The following TRIO variants were observed in gnomAD, a reference collection of about 807,000 sequenced individuals.
TRIO encodes triple functional domain protein.
TRIO carries 58 observed loss-of-function variants against 351.9 expected under a neutral mutation model. The ratio of observed to expected loss-of-function variants is 0.16; its 90% CI spans 0.13 to 0.21. TRIO has a LOEUF of 0.21. Ranked by LOEUF, TRIO falls within the 10% of genes least tolerant of loss-of-function variation. The probability of loss-of-function intolerance (pLI) is 1.00; values close to 1 mark genes in which losing one functional copy is unlikely to be tolerated. For missense variants in TRIO, 3,201 were observed against 4,027.8 expected (o/e 0.79, Z 5.56); for synonymous variants, 1,758 against 1,595.7 (o/e 1.10, Z -2.42).
chr5:14,507,319 G>T, intron 56 of TRIO, 59 bp downstream of exon 56: 1 of 1,593,364 alleles, frequency 6.3e-7, no homozygotes, highest in Non-Finnish European at 8.5e-7. Context: ...GGCCATGCGG[G>T]ACACAGAGCC....
chr5:14,443,629 GC>G (rs1364398569), intron 34 of TRIO, among the ~76,000 whole-genome samples: 1 of 152,180 alleles, frequency 6.6e-6, no homozygotes, highest in East Asian at 1.9e-4. Context: ...TTGGGAAAAG[GC>G]AGTTTTCCTG....
At chr5:14,243,529 G>T (rs997989895) in intron 1 of TRIO, among the ~76,000 whole-genome samples, 1 of 151,740 alleles carries the variant, frequency 6.6e-6, no homozygotes, top group African/African-American at 2.4e-5. Context: ...AATGATTTTT[G>T]GAAAGGTGTA....
In TRIO at chr5:14,278,797, C is replaced by T. The variant is rs556447344; in HGVS notation, c.233-1525C>T. Among the ~76,000 whole-genome samples, 13 of 152,270 alleles carry T rather than the reference C, an allele frequency of 8.5e-5. No homozygotes were observed. The East Asian group carries it at 2.5e-3, about 29-fold the overall frequency. ...GTACTGCTTCTCATGTTTAATAGTA[C>T]TTTTCATTCATAAATGTTAGCCCCC... On this transcript the variant is annotated intron_variant, in intron 2 of 56. Transcript: ENST00000344204.
chr5:14,221,968 C>T (rs192393103), intron 1 of TRIO, among the ~76,000 whole-genome samples: 7 of 152,222 alleles, frequency 4.6e-5, no homozygotes, highest in Middle Eastern at 3.4e-3. Flanking sequence ...CAGGAAGAGT[C>T]GATAGATGCA....
intron 1 of TRIO, chr5:14,183,677 G>C (rs898198109): frequency 3.6e-5 from 12 of 337,110 alleles, no homozygotes; most frequent in African/African-American, 2.3e-4. Flanking sequence ...TAATGGGTTT[G>C]GTTTCAGACT....
chr5:14,236,177 C>T (rs1246983048), intron 1 of TRIO, among the ~76,000 whole-genome samples: 1 of 152,084 alleles, frequency 6.6e-6, no homozygotes, highest in Non-Finnish European at 1.5e-5. Context: ...AAAGCCTCCC[C>T]ACCCCACCCC....
intron 1 of TRIO, among the ~76,000 whole-genome samples, chr5:14,266,428 C>G (rs985946611): frequency 2.0e-5 from 3 of 152,178 alleles, no homozygotes; most frequent in Non-Finnish European, 4.4e-5. Context: ...GACATGTCCT[C>G]TGGCAAATTG....
At chr5:14,169,639 A>G (rs1435683091) in intron 1 of TRIO, among the ~76,000 whole-genome samples, 2 of 152,244 alleles carry the variant, frequency 1.3e-5, no homozygotes, top group Non-Finnish European at 2.9e-5. Context: ...TAACTTGTTC[A>G]CCCTTACTTT....
chr5:14,239,773 C>A (rs116801678), intron 1 of TRIO, among the ~76,000 whole-genome samples: 4 of 152,072 alleles, frequency 2.6e-5, no homozygotes, highest in Non-Finnish European at 4.4e-5. Context: ...AGAACAGAGG[C>A]GCAAAATTCA....
chr5:14,285,247 A>T (rs1292956240), intron 3 of TRIO, among the ~76,000 whole-genome samples: 1 of 152,116 alleles, frequency 6.6e-6, no homozygotes, highest in African/African-American at 2.4e-5. Flanking sequence ...TTAGAAGTTC[A>T]TCACATCGTT....
At chr5:14,327,584 T>C (rs368688082) in intron 9 of TRIO, among the ~76,000 whole-genome samples, 15 of 152,360 alleles carry the variant, frequency 9.8e-5, no homozygotes, top group African/African-American at 3.1e-4. Context: ...CTATGGACTT[T>C]CCAGTAATCA....
Position 14,411,647 on chromosome 5 carries a change from G to A in TRIO, c.4959+4975G>A, listed in dbSNP as rs181469252. The stretch of plus-strand genomic sequence containing the variant: ...TCCTGAGGCAGGATCTCACTTTGTC[G>A]CCCAGGCTGGAGTGCAGTGGTGTGA... On this transcript the variant is annotated intron_variant, in intron 33 of 56. Coordinates refer to ENST00000344204, the MANE Select transcript of TRIO (RefSeq NM_007118.4). Among the ~76,000 whole-genome samples the A allele has an allele frequency of 6.5e-3, 981 of 151,966 alleles. 12 individuals carry two copies. Among genetic ancestry groups the A allele is most frequent in the African/African-American group, 0.02 (831 of 41,424 alleles).
chr5:14,337,461 G>A (rs1257239242), intron 11 of TRIO, among the ~76,000 whole-genome samples: 1 of 152,152 alleles, frequency 6.6e-6, no homozygotes, highest in African/African-American at 2.4e-5. Flanking sequence ...AATTCCCTGC[G>A]TCACTGAGGA....
intron 2 of TRIO, among the ~76,000 whole-genome samples, chr5:14,276,460 G>A (rs998151137): frequency 3.3e-5 from 5 of 152,252 alleles, no homozygotes; most frequent in East Asian, 1.9e-4. Context: ...CAGGAGCCCC[G>A]TGGGCGTCCT....
chr5:14,168,902 C>T (rs1296876280), intron 1 of TRIO, among the ~76,000 whole-genome samples: 4 of 152,218 alleles, frequency 2.6e-5, no homozygotes, highest in Non-Finnish European at 4.4e-5. Context: ...GCATTCCGCT[C>T]CTGGCGGCAG....
chr5:14,161,093 G>A (rs1313232596), intron 1 of TRIO, among the ~76,000 whole-genome samples: 1 of 152,110 alleles, frequency 6.6e-6, no homozygotes, highest in African/African-American at 2.4e-5. Flanking sequence ...TATTTTTGTA[G>A]AGATGGGGTT....
chr5:14,487,845 C>T lies in TRIO; in HGVS notation c.7217C>T (p.Ala2406Val), dbSNP rs752544277. The change falls in exon 48 of 57, where the codon GCG becomes GTG. Residue 2406 changes from alanine (A) to valine (V), a missense_variant. Around this residue, in one of 19 missense-constraint regions of TRIO, gnomAD observed 1,089 missense variants for 954.9 expected, o/e 1.14. Transcript: ENST00000344204. ...GADAEGSERE[A>V]EPIPKMKVLE... Reference sequence around the variant, plus strand: ...GACGCCGAGGGGTCCGAGCGAGAAGCGGAGCCGATCCCCAAGATGAAGGTG... The same window carrying T: ...GACGCCGAGGGGTCCGAGCGAGAAGTGGAGCCGATCCCCAAGATGAAGGTG... The T allele has an allele frequency of 3.9e-5, 59 of 1,524,130 alleles. No individual in the cohort carries two copies. The African/African-American group carries it at 4.8e-4, about 13-fold the overall frequency. The allele number at this position is 1,524,130 out of a possible 1,614,324, so 94.4% of individuals were successfully genotyped here. A position where few individuals can be genotyped will look rare whatever the true frequency, so the allele number is the denominator to read the frequency against.
intron 11 of TRIO, among the ~76,000 whole-genome samples, chr5:14,357,956 C>T (rs1044673315): frequency 6.6e-6 from 1 of 152,128 alleles, no homozygotes; most frequent in Non-Finnish European, 1.5e-5. Flanking sequence ...TTCCTCCCTG[C>T]GGCGGTGGCA....
At chr5:14,294,965 A>G (rs1737219452) in intron 6 of TRIO, among the ~76,000 whole-genome samples, 1 of 152,166 alleles carries the variant, frequency 6.6e-6, no homozygotes, top group Non-Finnish European at 1.5e-5. Context: ...TTTCTACAAT[A>G]TACTTCTGTT....
Sources: gnomAD v4.1 joint callset for allele counts (sites outside exome capture counted in the v4.1 genomes callset) on GRCh38, gnomAD v4.1.1 for gene constraint, gnomAD v4.1.1 regional missense constraint, MANE v1.5 for transcripts, NCBI Gene and HGNC (gene_info 2026-07-23, HGNC 2026-07-21) for gene names.